The following RXRB variants were observed in gnomAD, a reference collection of about 807,000 sequenced individuals.
RXRB encodes retinoid X receptor beta, also known as retinoic acid receptor RXR-beta.
RXRB carries 18 observed loss-of-function variants against 52.5 expected under a neutral mutation model. The observed-to-expected ratio is 0.34, with a 90% confidence interval of 0.24 to 0.51. RXRB has a LOEUF of 0.51. RXRB is among the 20% of genes least tolerant of loss of function. The probability of loss-of-function intolerance (pLI) is 0.97; values close to 1 mark genes in which losing one functional copy is unlikely to be tolerated. For synonymous variants in RXRB, 233 were observed against 267.1 expected (o/e 0.87, Z 1.25); for missense variants, 455 against 698.2 (o/e 0.65, Z 3.92).
Position 33,194,437 on chromosome 6 carries a change from A to C in RXRB, c.*245T>G. 1 of 504,068 alleles carries C rather than the reference A, an allele frequency of 2.0e-6. No individual in the cohort carries two copies. The highest frequency in any genetic ancestry group is 3.4e-5 in the South Asian group (1 of 29,756). The allele number at this position is 504,068 out of a possible 1,614,324, so 31.2% of individuals were successfully genotyped here. ...GAGAAATCACCCCAAATCATGGGAG[A>C]ACCCGACAAATTCAGAGACTCAAGG... On this transcript the variant is annotated 3_prime_UTR_variant, in exon 10 of 10. Transcript: ENST00000374680. This position sits in a 1 kb window ranked among gnomAD's most constrained non-coding sequence, Gnocchi z 4.1.
In RXRB at chr6:33,195,904, G is replaced by A. The variant is rs1354871087; in HGVS notation, c.1123+3C>T. On this transcript the variant is annotated splice_donor_region_variant and intron_variant, in intron 6 of 9. Coordinates refer to ENST00000374680, the MANE Select transcript of RXRB (RefSeq NM_021976.5). The surrounding 1 kb of genome is among the most constrained non-coding windows in gnomAD (Gnocchi z 8.6). ...GAAGTCAAAGGGATCCAAGGTCACT[G>A]ACCTGCCCGCAGCAATATGACCTGA... The A allele has an allele frequency of 1.2e-6, 2 of 1,612,508 alleles. No homozygotes were observed.
In RXRB at chr6:33,196,606, G is replaced by A. The variant is rs768018496; in HGVS notation, c.821C>T (p.Ala274Val). 6.3e-7 allele frequency: 1 copy of A among 1,589,920 alleles called. No individual in the cohort carries two copies. The highest frequency in any genetic ancestry group is 8.6e-7 in the Non-Finnish European group (1 of 1,168,638). Residue 274 changes from alanine (A) to valine (V), a missense_variant and splice_region_variant, in exon 5 of 10, where the codon GCG becomes GTG. Physicochemically the swap from Ala to Val is moderately conservative, Grantham distance 64 (BLOSUM62 0). Transcript: ENST00000374680. The surrounding 1 kb of genome is among the most constrained non-coding windows in gnomAD (Gnocchi z 4.0). ...TCCCCGCTGACGCTCCTCCTGTACC[G>A]CTGCAGGGGGAAGGGGGAGAGAAAA... ...KCLATGMKRE[A>V]VQEERQRGKD...
chr6:33,194,527 C>A lies in RXRB; in HGVS notation c.*155G>T. ...GTCCCTTCCAACTTGGGATATCAAG[C>A]AGATCCCTTGGAGGGTTTATGTTCT... On this transcript the variant is annotated 3_prime_UTR_variant, in exon 10 of 10. Transcript: ENST00000374680. The surrounding 1 kb of genome is among the most constrained non-coding windows in gnomAD (Gnocchi z 4.1). 1 of 725,042 alleles carries A rather than the reference C, an allele frequency of 1.4e-6. No homozygotes were observed. The highest frequency in any genetic ancestry group is 1.8e-5 in the African/African-American group (1 of 56,036). 44.9% of individuals were successfully genotyped at this position (725,042 alleles called of 1,614,324 possible).
At position 33,194,896 on chromosome 6, in the gene RXRB, G is replaced by T; in HGVS notation, c.1454+49C>A. 4 of 1,610,210 alleles carry T rather than the reference G, an allele frequency of 2.5e-6. No homozygotes were observed. The highest frequency in any genetic ancestry group is 3.4e-6 in the Non-Finnish European group (4 of 1,177,800). ...CACGGGCCCTGAACACATCCTCATA[G>T]CACTCCCCACCCCCAAGGGAGCCTC... On this transcript the variant is annotated intron_variant, in intron 9 of 9. Transcript: ENST00000374680. The surrounding 1 kb of genome is among the most constrained non-coding windows in gnomAD (Gnocchi z 4.1).
intron 3 of RXRB, 70 bp from the exon 4 acceptor site, chr6:33,198,011 T>A (rs898704514): frequency 1.5e-5 from 23 of 1,512,074 alleles, no homozygotes; most frequent in African/African-American, 1.2e-4. Context: ...CTGTTTCCAA[T>A]CTCCCCCTAG....
rs1773842903 is a variant in RXRB, at chr6:33,195,689, G to A, written c.1137C>T (p.Leu379=). The change falls in exon 7 of 10, where the codon CTC becomes CTT. Residue 379 remains leucine, a synonymous_variant. Coordinates refer to ENST00000374680, the MANE Select transcript of RXRB (RefSeq NM_021976.5). This position sits in a 1 kb window ranked among gnomAD's most constrained non-coding sequence, Gnocchi z 8.6. ...VILLRAGWNE[L]LIASFSHRSI... Reference sequence around the variant, plus strand: ...ATCGGTGTGAGAAGGAGGCAATGAGGAGTTCATTCCAGCCTGGGTGGGGCA... The same window carrying A: ...ATCGGTGTGAGAAGGAGGCAATGAGAAGTTCATTCCAGCCTGGGTGGGGCA... 2 of 1,612,394 alleles carry A rather than the reference G, an allele frequency of 1.2e-6. No individual in the cohort carries two copies. Among genetic ancestry groups the A allele is most frequent in the South Asian group, 1.1e-5 (1 of 91,048 alleles).
In RXRB at chr6:33,200,324, C is replaced by T; in HGVS notation, c.153G>A (p.Ala51=). Residue 51 remains alanine, a synonymous_variant, in exon 1 of 10, where the codon GCG becomes GCA. Coordinates refer to ENST00000374680, the MANE Select transcript of RXRB (RefSeq NM_021976.5). The surrounding 1 kb of genome is among the most constrained non-coding windows in gnomAD (Gnocchi z 6.3). ...TTTGTTGTTCTCCGCCTGCCACCGC[C>T]GCCGCCGCCGCCGCTGCGGGATCCA... is the stretch of plus-strand genomic sequence containing the variant. ...PWLDPAAAAA[A]AVAGGEQQTP... 6.3e-7 allele frequency: 1 copy of T among 1,585,858 alleles called. No homozygotes were observed.
chr6:33,198,913 CAAAA>C lies in RXRB; in HGVS notation c.483+252_483+255del, dbSNP rs9280361. 6.2e-3 allele frequency among the ~76,000 whole-genome samples: 457 copies of C among 74,114 alleles called. 12 individuals carry two copies. The highest frequency in any genetic ancestry group is 0.021 in the African/African-American group (422 of 20,086). The allele number at this position is 74,114 out of a possible 152,430, so 48.6% of individuals were successfully genotyped here. A position where few individuals can be genotyped will look rare whatever the true frequency, so the allele number is the denominator to read the frequency against. ...TGGGCAACAGAGCAAGACTCCATCT[CAAAA>C]AAAAAAAAAAAAAAAAACACACACA... On this transcript the variant is annotated intron_variant, in intron 2 of 9. Coordinates refer to ENST00000374680, the MANE Select transcript of RXRB (RefSeq NM_021976.5).
At chr6:33,198,950 A>G (rs1354616718) in intron 2 of RXRB, among the ~76,000 whole-genome samples, 2 of 151,438 alleles carry the variant, frequency 1.3e-5, no homozygotes, top group African/African-American at 2.4e-5. Context: ...ACACACACAC[A>G]AAAACAAAGA....
chr6:33,197,658 T>C lies in RXRB; in HGVS notation c.820+104A>G. 1.9e-6 allele frequency: 2 copies of C among 1,046,064 alleles called. No homozygotes were observed. Among genetic ancestry groups the C allele is most frequent in the Non-Finnish European group, 2.8e-6 (2 of 714,724 alleles). 64.8% of individuals were successfully genotyped at this position (1,046,064 alleles called of 1,614,324 possible). A position where few individuals can be genotyped will look rare whatever the true frequency, so the allele number is the denominator to read the frequency against. On this transcript the variant is annotated intron_variant, in intron 4 of 9. Coordinates refer to ENST00000374680, the MANE Select transcript of RXRB (RefSeq NM_021976.5). This position sits in a 1 kb window ranked among gnomAD's most constrained non-coding sequence, Gnocchi z 4.4. ...GAGAGAGAAATCAAATATCGCCCTC[T>C]AGAGGAGAGAGAGCAGTCCACCCTT... is the stretch of plus-strand genomic sequence containing the variant.
At position 33,200,303 on chromosome 6, in the gene RXRB, T is replaced by C; in HGVS notation, c.174A>G (p.Gln58=). The part of the protein sequence containing the change: ...AAAAAVAGGE[Q]QTPEPEPGEA... The stretch of plus-strand genomic sequence containing the variant: ...CCCCTGGCTCCGGCTCCGGGGTTTG[T>C]TGTTCTCCGCCTGCCACCGCCGCCG... Residue 58 remains glutamine, a synonymous_variant, in exon 1 of 10, where the codon CAA becomes CAG. Transcript: ENST00000374680. This position sits in a 1 kb window ranked among gnomAD's most constrained non-coding sequence, Gnocchi z 6.3. 1 of 1,601,720 alleles carries C rather than the reference T, an allele frequency of 6.2e-7. No individual in the cohort carries two copies. The highest frequency in any genetic ancestry group is 8.5e-7 in the Non-Finnish European group (1 of 1,177,106).
Position 33,197,665 on chromosome 6 carries a change from G to C in RXRB, c.820+97C>G, listed in dbSNP as rs1156242799. ...AAATCAAATATCGCCCTCTAGAGGAGAGAGAGCAGTCCACCCTTCCAGAGA... is the reference window on the plus strand; with the variant it reads ...AAATCAAATATCGCCCTCTAGAGGACAGAGAGCAGTCCACCCTTCCAGAGA... On this transcript the variant is annotated intron_variant, in intron 4 of 9. Transcript: ENST00000374680. The surrounding 1 kb of genome is among the most constrained non-coding windows in gnomAD (Gnocchi z 4.4). 9.0e-6 allele frequency: 10 copies of C among 1,114,806 alleles called. No homozygotes were observed. Among genetic ancestry groups the C allele is most frequent in the South Asian group, 1.5e-5 (1 of 68,870 alleles). The allele number at this position is 1,114,806 out of a possible 1,614,324, so 69.1% of individuals were successfully genotyped here.
Position 33,200,131 on chromosome 6 carries a change from T to C in RXRB, c.235+111A>G, listed in dbSNP as rs1388000227. 8 of 1,461,006 alleles carry C rather than the reference T, an allele frequency of 5.5e-6. No homozygotes were observed. In the African/African-American group the frequency reaches 1.1e-4, roughly 20 times the overall value. The allele number at this position is 1,461,006 out of a possible 1,614,324, so 90.5% of individuals were successfully genotyped here. A position where few individuals can be genotyped will look rare whatever the true frequency, so the allele number is the denominator to read the frequency against. On this transcript the variant is annotated intron_variant, in intron 1 of 9. Coordinates refer to ENST00000374680, the MANE Select transcript of RXRB (RefSeq NM_021976.5). The surrounding 1 kb of genome is among the most constrained non-coding windows in gnomAD (Gnocchi z 6.3). ...CCTCGGGAGGGAGGGGACGCGTGTT[T>C]ACAAACAAGGGGGCGGGAGCGCAAG...
rs577271554 is a variant in RXRB at position 33,197,754 on chromosome 6, G to A, written c.820+8C>T. 4 of 1,613,636 alleles carry A rather than the reference G, an allele frequency of 2.5e-6. No homozygotes were observed. Among genetic ancestry groups the A allele is most frequent in the Admixed American group, 1.7e-5 (1 of 60,018 alleles). On this transcript the variant is annotated splice_region_variant and intron_variant, in intron 4 of 9. Transcript: ENST00000374680. This position sits in a 1 kb window ranked among gnomAD's most constrained non-coding sequence, Gnocchi z 4.4. ...GGTCTAAGACGCCTGGGCAGGGCGG[G>A]TCCTTACCCTCCCTCTTCATGCCAG...
Position 33,200,635 on chromosome 6 carries a change from C to G in RXRB, c.-159G>C. 6.6e-7 allele frequency: 1 copy of G among 1,514,690 alleles called. No individual in the cohort carries two copies. The highest frequency in any genetic ancestry group is 8.8e-7 in the Non-Finnish European group (1 of 1,130,426). The allele number at this position is 1,514,690 out of a possible 1,614,324, so 93.8% of individuals were successfully genotyped here. A position where few individuals can be genotyped will look rare whatever the true frequency, so the allele number is the denominator to read the frequency against. ...TCTGCTCAGTACCAAAATGACAGCG[C>G]CAATGTGGCAGCCATCTTTGTACAG... On this transcript the variant is annotated 5_prime_UTR_variant, in exon 1 of 10. Coordinates refer to ENST00000374680, the MANE Select transcript of RXRB (RefSeq NM_021976.5). This position sits in a 1 kb window ranked among gnomAD's most constrained non-coding sequence, Gnocchi z 6.3.
chr6:33,195,945 G>C lies in RXRB; in HGVS notation c.1085C>G (p.Ser362Cys). Reference sequence around the variant, plus strand: ...TATGACCTGATCATCCAGAGGCAAGGAGGAAAAGTGTGGGATCCTCTTCGC... The same window carrying C: ...TATGACCTGATCATCCAGAGGCAAGCAGGAAAAGTGTGGGATCCTCTTCGC... ...EWAKRIPHFS[S>C]LPLDDQVILL... The change falls in exon 6 of 10, where the codon TCC (serine) becomes TGC (cysteine). Residue 362 changes from serine (S) to cysteine (C), a missense_variant. By Grantham distance (112) the Ser-to-Cys change is moderately radical. Coordinates refer to ENST00000374680, the MANE Select transcript of RXRB (RefSeq NM_021976.5). The surrounding 1 kb of genome is among the most constrained non-coding windows in gnomAD (Gnocchi z 8.6). The C allele has an allele frequency of 1.2e-6, 2 of 1,613,032 alleles. No individual in the cohort carries two copies. Among genetic ancestry groups the C allele is most frequent in the Non-Finnish European group, 1.7e-6 (2 of 1,180,036 alleles).
At position 33,200,501 on chromosome 6, in the gene RXRB, C is replaced by T; in HGVS notation, c.-25G>A. 1 of 1,570,278 alleles carries T rather than the reference C, an allele frequency of 6.4e-7. No individual in the cohort carries two copies. The highest frequency in any genetic ancestry group is 8.6e-7 in the Non-Finnish European group (1 of 1,160,156). On this transcript the variant is annotated 5_prime_UTR_variant, in exon 1 of 10. Coordinates refer to ENST00000374680, the MANE Select transcript of RXRB (RefSeq NM_021976.5). This position sits in a 1 kb window ranked among gnomAD's most constrained non-coding sequence, Gnocchi z 6.3. ...TGATCCCTGGCTGAGAGTAGGGATA[C>T]CGAAGAGGTCCCAGGGATTCCCAAG...
rs538956028 is a variant in RXRB at position 33,196,161 on chromosome 6, TGTAA to T, written c.994-129_994-126del. ...TGTGAGCCCCATCCAAACCAATCCC[TGTAA>T]GTGAGTCTTCTCTTCTGGCATTAGT... On this transcript the variant is annotated intron_variant, in intron 5 of 9. Coordinates refer to ENST00000374680, the MANE Select transcript of RXRB (RefSeq NM_021976.5). This position sits in a 1 kb window ranked among gnomAD's most constrained non-coding sequence, Gnocchi z 4.0. 7.1e-5 allele frequency: 86 copies of T among 1,209,494 alleles called. No individual in the cohort carries two copies. Among genetic ancestry groups the T allele is most frequent in the East Asian group, 1.4e-4 (6 of 42,282 alleles). 74.9% of individuals were successfully genotyped at this position (1,209,494 alleles called of 1,614,324 possible). A position where few individuals can be genotyped will look rare whatever the true frequency, so the allele number is the denominator to read the frequency against.
intron 2 of RXRB, among the ~76,000 whole-genome samples, chr6:33,198,827 T>C (rs1774126642): frequency 6.7e-6 from 1 of 149,450 alleles, no homozygotes; most frequent in South Asian, 2.1e-4. Context: ...GGCAGGAGAA[T>C]TGCTTGAACC....
Sources: allele counts gnomAD v4.1 joint callset (sites outside exome capture counted in the v4.1 genomes callset), GRCh38; gene constraint gnomAD v4.1.1; non-coding constraint Gnocchi (gnomAD v3.1); transcripts MANE v1.5; gene names NCBI Gene and HGNC (gene_info 2026-07-23, HGNC 2026-07-21).